Variants in CTNNA3 observed in about 807,000 individuals in gnomAD.
The protein encoded by CTNNA3 is catenin alpha-3.
CTNNA3 carries 76 observed loss-of-function variants against 95.7 expected under a neutral mutation model. That is an observed-to-expected ratio of 0.79 (90% CI 0.66 to 0.96). CTNNA3 has a LOEUF of 0.96. Among genes scored for constraint, CTNNA3 ranks in the 40% least tolerant of loss-of-function variants. The pLI, the probability that CTNNA3 is intolerant of heterozygous loss-of-function variation, is 0.00. For missense variants in CTNNA3, 1,191 were observed against 1,089.8 expected, an observed-to-expected ratio of 1.09 and a Z score of -1.31; for synonymous variants, 431 against 374.4, an observed-to-expected ratio of 1.15 and a Z score of -1.74.
chr10:66,007,704 T>TCCTCCCTCCCTCCCTCCCTCCCTCCCTC (rs1207637044), intron 15 of CTNNA3, among the ~76,000 whole-genome samples: 4 of 86,330 alleles, frequency 4.6e-5, no homozygotes, highest in East Asian at 4.9e-4. Flanking sequence ...GGCTTTTAGA[T>TCCTCCCTCCCTCCCTCCCTCCCTCCCTC]CCTCCCTCCC....
intron 9 of CTNNA3, among the ~76,000 whole-genome samples, chr10:66,685,602 G>A (rs1415399517): frequency 6.6e-6 from 1 of 150,844 alleles, no homozygotes; most frequent in Non-Finnish European, 1.5e-5. Context: ...TCGATCTCCT[G>A]ACCTCGTGAT....
chr10:66,077,706 C>T (rs1293401359), intron 14 of CTNNA3, among the ~76,000 whole-genome samples: 1 of 128,000 alleles, frequency 7.8e-6, no homozygotes, highest in Admixed American at 7.4e-5. Flanking sequence ...GTATGGAGCC[C>T]CTAAAACAAG....
intron 9 of CTNNA3, among the ~76,000 whole-genome samples, chr10:66,633,277 ATAT>A (rs1329716458): frequency 2.0e-5 from 3 of 152,184 alleles, no homozygotes; most frequent in Non-Finnish European, 4.4e-5. Context: ...AAATTATGTA[ATAT>A]TATGATTCTG....
chr10:67,175,229 G>A (rs1365073541), intron 7 of CTNNA3, among the ~76,000 whole-genome samples: 1 of 151,968 alleles, frequency 6.6e-6, no homozygotes, highest in Admixed American at 6.6e-5. Context: ...CCTGTCTCTT[G>A]TATTCAAAAA....
intron 17 of CTNNA3, among the ~76,000 whole-genome samples, chr10:65,950,256 T>G (rs1250030368): frequency 6.6e-6 from 1 of 152,152 alleles, no homozygotes; most frequent in Non-Finnish European, 1.5e-5. Context: ...TCAGCATGAG[T>G]CAGACTGAAA....
chr10:66,663,278 C>A (rs1164686375), intron 9 of CTNNA3, among the ~76,000 whole-genome samples: 1 of 151,936 alleles, frequency 6.6e-6, no homozygotes, highest in African/African-American at 2.4e-5. Flanking sequence ...CTGGCCCCTC[C>A]CCAGTCATGA....
intron 7 of CTNNA3, among the ~76,000 whole-genome samples, chr10:67,088,589 C>A (rs533048587): frequency 6.6e-6 from 1 of 152,056 alleles, no homozygotes; most frequent in Admixed American, 6.6e-5. Context: ...TACCAAAATT[C>A]AGAATGTTTT....
intron 15 of CTNNA3, among the ~76,000 whole-genome samples, chr10:66,004,452 T>C (rs1380181645): frequency 2.0e-5 from 3 of 152,098 alleles, no homozygotes; most frequent in Admixed American, 6.5e-5. Flanking sequence ...ATTACTATGG[T>C]TTTCTCCCCC....
intron 2 of CTNNA3, among the ~76,000 whole-genome samples, chr10:67,626,848 G>T (rs118101175): frequency 0.014 from 2,103 of 152,212 alleles, 24 homozygotes; most frequent in South Asian, 0.03. Flanking sequence ...AAAAATAAAT[G>T]AGTACTCATA....
chr10:66,460,725 T>C (rs2131846801), intron 11 of CTNNA3, among the ~76,000 whole-genome samples: 1 of 152,288 alleles, frequency 6.6e-6, no homozygotes, highest in East Asian at 1.9e-4. Flanking sequence ...ATCTCTCACT[T>C]ACCAACTAGT....
At chr10:67,748,789 A>G (rs1841386678) in intron 1 of CTNNA3, among the ~76,000 whole-genome samples, 2 of 152,214 alleles carry the variant, frequency 1.3e-5, no homozygotes, top group South Asian at 2.1e-4. Flanking sequence ...AAATGTCCCA[A>G]TTAAAACACA....
intron 5 of CTNNA3, among the ~76,000 whole-genome samples, chr10:67,499,207 T>C (rs936649336): frequency 1.3e-5 from 2 of 152,182 alleles, no homozygotes; most frequent in Admixed American, 1.3e-4. Flanking sequence ...GGTTTTGTCG[T>C]TGGTTCTGTT....
chr10:66,028,214 A>G (rs2079379780), intron 15 of CTNNA3, among the ~76,000 whole-genome samples: 1 of 152,236 alleles, frequency 6.6e-6, no homozygotes, highest in South Asian at 2.1e-4. Context: ...TAGAACTAGA[A>G]ATACCATTTG....
intron 10 of CTNNA3, among the ~76,000 whole-genome samples, chr10:66,562,111 C>T (rs569050857): frequency 1.3e-5 from 2 of 152,140 alleles, no homozygotes; most frequent in Admixed American, 6.6e-5. Flanking sequence ...TTTATACACA[C>T]GTGCATACAT....
At chr10:67,018,074 T>G (rs964686630) in intron 7 of CTNNA3, among the ~76,000 whole-genome samples, 62 of 152,238 alleles carry the variant, frequency 4.1e-4, no homozygotes, top group Non-Finnish European at 7.4e-4. Context: ...GCCTGGCCTG[T>G]GGATATATAT....
chr10:66,261,871 A>G (rs1229514342), intron 13 of CTNNA3, among the ~76,000 whole-genome samples: 1 of 151,640 alleles, frequency 6.6e-6, no homozygotes, highest in Middle Eastern at 3.2e-3. Context: ...TTCCCCCTGT[A>G]CTCTTCCACC....
intron 9 of CTNNA3, among the ~76,000 whole-genome samples, chr10:66,719,217 C>T (rs564650760): frequency 6.6e-6 from 1 of 152,196 alleles, no homozygotes; most frequent in South Asian, 2.1e-4. Flanking sequence ...TGATCAGATT[C>T]TAAGACTCTT....
chr10:67,707,020 AGTCATCCTTCATTCATTC>A (rs1841082486), intron 1 of CTNNA3, among the ~76,000 whole-genome samples: 1 of 152,114 alleles, frequency 6.6e-6, no homozygotes, highest in Non-Finnish European at 1.5e-5. Flanking sequence ...AAAGCCTAGG[AGTCATCCTTCATTCATTC>A]TTTTCCCTCA....
At chr10:67,470,089 C>T (rs1299445170) in intron 5 of CTNNA3, among the ~76,000 whole-genome samples, 1 of 152,296 alleles carries the variant, frequency 6.6e-6, no homozygotes, top group Admixed American at 6.5e-5. Flanking sequence ...ACCTCCCCTG[C>T]CACCCTCCTA....
Sources: allele counts gnomAD v4.1 joint callset (sites outside exome capture counted in the v4.1 genomes callset), GRCh38; gene constraint gnomAD v4.1.1; transcripts MANE v1.5; gene names NCBI Gene and HGNC (gene_info 2026-07-23, HGNC 2026-07-21).